Variants in VAV3 observed in about 807,000 individuals in gnomAD.
VAV3 encodes the protein guanine nucleotide exchange factor VAV3.
VAV3 carries 94 observed loss-of-function variants against 131.2 expected under a neutral mutation model. That is an observed-to-expected ratio of 0.72 (90% CI 0.61 to 0.85). VAV3 has a LOEUF of 0.85. VAV3 is among the 40% of genes least tolerant of loss of function. The pLI is 0.00. For missense variants in VAV3, 939 were observed against 1,002.7 expected (o/e 0.94, Z 0.86); for synonymous variants, 349 against 342.0 (o/e 1.02, Z -0.22).
chr1:107,673,209 G>C (rs868768703), intron 19 of VAV3, among the ~76,000 whole-genome samples: 2 of 152,186 alleles, frequency 1.3e-5, no homozygotes, highest in Non-Finnish European at 2.9e-5. Context: ...AGTGCGGCTA[G>C]GGTGATCTTT....
chr1:107,725,862 AC>A (rs1465070665), intron 15 of VAV3, among the ~76,000 whole-genome samples: 1 of 152,028 alleles, frequency 6.6e-6, no homozygotes, highest in African/African-American at 2.4e-5. Context: ...TCTCCTGGGC[AC>A]CTATAATATC....
rs570703609 is a variant in VAV3, at chr1:107,932,914, G to A, written c.204+31752C>T. Among the ~76,000 whole-genome samples the A allele has an allele frequency of 5.3e-5, 8 of 152,312 alleles. No homozygotes were observed. The South Asian group carries it at 1.7e-3, about 32-fold the overall frequency. ...CTGCCAACATCTTGACTTTAGCCCAGTGAAACTGATTTTGAACCTTTGGCC... is the reference window on the plus strand; with the variant it reads ...CTGCCAACATCTTGACTTTAGCCCAATGAAACTGATTTTGAACCTTTGGCC... On this transcript the variant is annotated intron_variant, in intron 1 of 26. Transcript: ENST00000370056.
intron 15 of VAV3, among the ~76,000 whole-genome samples, chr1:107,714,625 A>C (rs948181860): frequency 6.6e-6 from 1 of 152,086 alleles, no homozygotes; most frequent in African/African-American, 2.4e-5. Flanking sequence ...TTGTTTATTC[A>C]TAATTTGTTC....
intron 2 of VAV3, among the ~76,000 whole-genome samples, chr1:107,871,743 T>C (rs571589653): frequency 1.4e-4 from 21 of 152,234 alleles, no homozygotes; most frequent in African/African-American, 4.8e-4. Flanking sequence ...AGAAAACACA[T>C]CCATATCAAG....
At chr1:107,675,352 A>G (rs1304224852) in intron 19 of VAV3, among the ~76,000 whole-genome samples, 1 of 152,146 alleles carries the variant, frequency 6.6e-6, no homozygotes, top group Non-Finnish European at 1.5e-5. Context: ...GGCTGCTACT[A>G]TTACTTCCAT....
At chr1:107,854,159 A>C (rs1298557890) in intron 2 of VAV3, among the ~76,000 whole-genome samples, 1 of 152,028 alleles carries the variant, frequency 6.6e-6, no homozygotes, top group East Asian at 1.9e-4. Context: ...AAAATACAAA[A>C]ATTAGCCAGG....
At chr1:107,671,691 G>A (rs1171706166) in intron 19 of VAV3, among the ~76,000 whole-genome samples, 1 of 152,018 alleles carries the variant, frequency 6.6e-6, no homozygotes, top group Non-Finnish European at 1.5e-5. Flanking sequence ...GAGCTACTCT[G>A]AACTCAAAAG....
At chr1:107,596,471 T>C in intron 24 of VAV3, 130 bp from the exon 25 acceptor site, 1 of 932,178 alleles carries the variant, frequency 1.1e-6, no homozygotes, top group East Asian at 2.7e-5. Context: ...ATATGGAAGA[T>C]TAAGCAAATG....
chr1:107,960,727 T>G (rs1041655497), intron 1 of VAV3, among the ~76,000 whole-genome samples: 4 of 152,092 alleles, frequency 2.6e-5, no homozygotes, highest in African/African-American at 9.7e-5. Flanking sequence ...CACTTGGTAT[T>G]CCCTCCACCA....
chr1:107,916,437 T>C lies in VAV3; in HGVS notation c.205-41420A>G, dbSNP rs182932080. On this transcript the variant is annotated intron_variant, in intron 1 of 26. Coordinates refer to ENST00000370056, the MANE Select transcript of VAV3 (RefSeq NM_006113.5). ...CAAGTAATATTTTATTTTGAAGGTGTAGTTTCAAACCTCAAGCCCTGAATG... is the reference window on the plus strand; with the variant it reads ...CAAGTAATATTTTATTTTGAAGGTGCAGTTTCAAACCTCAAGCCCTGAATG... Among the ~76,000 whole-genome samples the C allele has an allele frequency of 2.2e-3, 340 of 152,346 alleles. 1 individual carries two copies. Among genetic ancestry groups the C allele is most frequent in the Middle Eastern group, 0.014 (4 of 294 alleles).
intron 2 of VAV3, among the ~76,000 whole-genome samples, chr1:107,783,921 A>G (rs1473486356): frequency 1.3e-5 from 2 of 150,612 alleles, no homozygotes; most frequent in Non-Finnish European, 3.0e-5. Context: ...TTAGCCAGGC[A>G]TGGTGGCGGG....
chr1:107,713,061 G>A (rs1204887496), intron 15 of VAV3, among the ~76,000 whole-genome samples: 1 of 152,072 alleles, frequency 6.6e-6, no homozygotes, highest in African/African-American at 2.4e-5. Context: ...ACAATATAAA[G>A]TTTAGATAAA....
intron 2 of VAV3, among the ~76,000 whole-genome samples, chr1:107,797,898 G>C (rs1666624587): frequency 6.6e-6 from 1 of 152,162 alleles, no homozygotes; most frequent in Admixed American, 6.5e-5. Context: ...CAACTCAGTA[G>C]GGACCAAGAA....
chr1:107,733,519 G>C (rs983433056), intron 15 of VAV3, among the ~76,000 whole-genome samples: 38 of 152,300 alleles, frequency 2.5e-4, no homozygotes, highest in African/African-American at 8.7e-4. Context: ...TGGCTAACTA[G>C]AATAAACAGT....
intron 8 of VAV3, among the ~76,000 whole-genome samples, chr1:107,765,993 A>C (rs1000985718): frequency 6.6e-6 from 1 of 152,184 alleles, no homozygotes; most frequent in Non-Finnish European, 1.5e-5. Flanking sequence ...TAGAAAGGGA[A>C]ACTGACTCTG....
At chr1:107,822,179 G>T (rs917291752) in intron 2 of VAV3, among the ~76,000 whole-genome samples, 2 of 152,094 alleles carry the variant, frequency 1.3e-5, no homozygotes, top group Non-Finnish European at 2.9e-5. Context: ...TCCACAGTGG[G>T]CATGCTTTGG....
At chr1:107,766,669 A>G in intron 7 of VAV3, 119 bp from the exon 8 acceptor site, 1 of 710,436 alleles carries the variant, frequency 1.4e-6, no homozygotes, top group Non-Finnish European at 2.4e-6. Context: ...TGCTCTCAAT[A>G]TATAAAACTG....
intron 19 of VAV3, among the ~76,000 whole-genome samples, chr1:107,643,510 C>A (rs1019347140): frequency 6.6e-6 from 1 of 152,156 alleles, no homozygotes; most frequent in Non-Finnish European, 1.5e-5. Context: ...GACAACCTCA[C>A]AGTCACTTAT....
chr1:107,747,274 C>A (rs1429769423), intron 15 of VAV3, among the ~76,000 whole-genome samples: 2 of 152,160 alleles, frequency 1.3e-5, no homozygotes. Flanking sequence ...AAGGAACCTG[C>A]CTGCTCTAGG....
Sources: gnomAD v4.1 joint callset for allele counts (sites outside exome capture counted in the v4.1 genomes callset) on GRCh38, gnomAD v4.1.1 for gene constraint, MANE v1.5 for transcripts, NCBI Gene and HGNC (gene_info 2026-07-23, HGNC 2026-07-21) for gene names.